Variants in PCDHGA6 observed in about 807,000 individuals in gnomAD.
PCDHGA6 encodes the protein protocadherin gamma subfamily A, 6.
In PCDHGA6, 41 loss-of-function variants were observed where a neutral mutation model predicts 60.6. That is an observed-to-expected ratio of 0.68 (90% CI 0.53 to 0.88). The LOEUF (loss-of-function observed/expected upper bound fraction) is 0.88, where lower values mean the gene tolerates loss of function less well. Among genes scored for constraint, PCDHGA6 ranks in the 40% least tolerant of loss-of-function variants. The pLI, the probability that PCDHGA6 is intolerant of heterozygous loss-of-function variation, is 0.00. For synonymous variants in PCDHGA6, 594 were observed against 524.4 expected (o/e 1.13, Z -1.81); for missense variants, 1,312 against 1,203.0 (o/e 1.09, Z -1.34).
chr5:141,447,208 C>T (rs1226099966), intron 1 of PCDHGA6, among the ~76,000 whole-genome samples: 1 of 152,078 alleles, frequency 6.6e-6, no homozygotes, highest in Non-Finnish European at 1.5e-5. Flanking sequence ...GGCTTGATCT[C>T]GGCTCACTGC....
chr5:141,397,919 C>T (rs1158998805), intron 1 of PCDHGA6: 12 of 723,342 alleles, frequency 1.7e-5, no homozygotes, highest in Non-Finnish European at 2.2e-5. Context: ...TCCAGATCTC[C>T]TCGCGCAGCC....
At chr5:141,478,011 G>T (rs1216659966) in intron 1 of PCDHGA6, 1 of 1,614,088 alleles carries the variant, frequency 6.2e-7, no homozygotes, top group Non-Finnish European at 8.5e-7. Flanking sequence ...AGTACTGCCC[G>T]TCCAGTCCAA....
At chr5:141,434,952 C>T (rs1362599956) in intron 1 of PCDHGA6, among the ~76,000 whole-genome samples, 2 of 151,756 alleles carry the variant, frequency 1.3e-5, no homozygotes, top group East Asian at 3.9e-4. Flanking sequence ...AATTTATTAA[C>T]AATTTATAAA....
chr5:141,441,825 C>A, intron 1 of PCDHGA6: 1 of 357,252 alleles, frequency 2.8e-6, no homozygotes, highest in Non-Finnish European at 5.5e-6. Flanking sequence ...CTCTGGAGCG[C>A]AATGGCTTCG....
intron 1 of PCDHGA6, among the ~76,000 whole-genome samples, chr5:141,459,691 C>T (rs754899227): frequency 3.9e-5 from 6 of 152,158 alleles, no homozygotes; most frequent in East Asian, 1.9e-4. Flanking sequence ...TAAAGCGTTC[C>T]GCTTGCTACA....
rs1403789987 is a variant in PCDHGA6 at position 141,511,845 on chromosome 5, T to C, written c.*672T>C. The C allele has an allele frequency of 6.4e-6, 1 of 156,740 alleles. No individual in the cohort carries two copies. The highest frequency in any genetic ancestry group is 1.4e-5 in the Non-Finnish European group (1 of 70,694). 9.7% of individuals were successfully genotyped at this position (156,740 alleles called of 1,614,324 possible). A position where few individuals can be genotyped will look rare whatever the true frequency, so the allele number is the denominator to read the frequency against. On this transcript the variant is annotated 3_prime_UTR_variant, in exon 4 of 4. Transcript: ENST00000517434. ...AACGCCCTGGGGACCAGTCTTCTGT[T>C]TTGTTTTTCATTGTTTGACGTTTCC...
intron 1 of PCDHGA6, chr5:141,410,466 G>A (rs536543649): frequency 6.2e-7 from 1 of 1,613,908 alleles, no homozygotes; most frequent in African/African-American, 1.3e-5. Context: ...TATAATCTGT[G>A]CATTGCACAT....
Position 141,375,862 on chromosome 5 carries a change from G to T in PCDHGA6, c.1779G>T (p.Ala593=), listed in dbSNP as rs759161440. 4.3e-6 allele frequency: 7 copies of T among 1,613,976 alleles called. No individual in the cohort carries two copies. The South Asian group carries it at 7.7e-5, about 18-fold the overall frequency. Residue 593 remains alanine (A), a synonymous_variant, in exon 1 of 4, where the codon GCG becomes GCT. Coordinates refer to ENST00000517434, the MANE Select transcript of PCDHGA6 (RefSeq NM_018919.3). ...EPGYLVTKVV[A]VDRDSGQNAW... is the part of the protein sequence containing the mutation. Reference sequence around the variant, plus strand: ...GCTACCTGGTGACCAAGGTGGTGGCGGTGGACAGAGACTCGGGCCAGAACG... The same window carrying T: ...GCTACCTGGTGACCAAGGTGGTGGCTGTGGACAGAGACTCGGGCCAGAACG...
At chr5:141,393,961 T>C (rs775398827) in intron 1 of PCDHGA6, 1 of 1,613,960 alleles carries the variant, frequency 6.2e-7, no homozygotes, top group South Asian at 1.1e-5. Flanking sequence ...GGTCAAGTTG[T>C]CTGTTACACA....
chr5:141,419,065 C>T (rs763008753), intron 1 of PCDHGA6: 3 of 1,613,904 alleles, frequency 1.9e-6, no homozygotes, highest in Non-Finnish European at 2.5e-6. Flanking sequence ...ATAATTACTA[C>T]AAGCTAGTAA....
Position 141,431,939 on chromosome 5 carries a change from T to A in PCDHGA6, c.2424+55432T>A, listed in dbSNP as rs1377573207. The A allele has an allele frequency of 2.2e-5, 35 of 1,613,996 alleles. No individual in the cohort carries two copies. The highest frequency in any genetic ancestry group is 2.9e-5 in the Non-Finnish European group (34 of 1,180,000). On this transcript the variant is annotated intron_variant, in intron 1 of 3. Coordinates refer to ENST00000517434, the MANE Select transcript of PCDHGA6 (RefSeq NM_018919.3). This position sits in a 1 kb window ranked among gnomAD's most constrained non-coding sequence, Gnocchi z 4.8. ...CATCCAAGGAAATCTGCCCTTTAAA[T>A]TAGAAAAATCTTACGGAAATTACTA...
chr5:141,374,250 C>T lies in PCDHGA6; in HGVS notation c.167C>T (p.Pro56Leu), dbSNP rs533179881. The T allele has an allele frequency of 2.5e-6, 4 of 1,613,890 alleles. No homozygotes were observed. The African/African-American group carries it at 5.3e-5, about 22-fold the overall frequency. ...GNIVKDLGLEPQELAEHGVRI... is the reference protein window; with the variant it reads ...GNIVKDLGLELQELAEHGVRI... ...ATCGTCAAGGATCTGGGACTGGAGC[C>T]CCAGGAGTTGGCGGAGCACGGAGTC... The change falls in exon 1 of 4, where the codon CCC (proline) becomes CTC (leucine). Residue 56 changes from proline (P) to leucine (L), a missense_variant. Pro to Leu is a moderately conservative substitution (Grantham distance 98). Transcript: ENST00000517434.
chr5:141,456,353 G>A (rs1041991824), intron 1 of PCDHGA6, among the ~76,000 whole-genome samples: 2 of 152,120 alleles, frequency 1.3e-5, no homozygotes, highest in South Asian at 2.1e-4. Context: ...GAAGAATGGC[G>A]TCCATGTGTG....
At chr5:141,388,965 G>A in intron 1 of PCDHGA6, 2 of 1,613,978 alleles carry the variant, frequency 1.2e-6, no homozygotes, top group Non-Finnish European at 1.7e-6. Flanking sequence ...CGCCGAGCTG[G>A]GAACACATAT....
rs200757040 is a variant in PCDHGA6, at chr5:141,431,080, C to T, written c.2424+54573C>T. 3 of 1,614,044 alleles carry T rather than the reference C, an allele frequency of 1.9e-6. No homozygotes were observed. The highest frequency in any genetic ancestry group is 2.5e-6 in the Non-Finnish European group (3 of 1,180,010). ...CCATCAAGTGTCAATTAAATCTAGA[C>T]ATTCTGATGGAGGATAAAGTGAAAA... On this transcript the variant is annotated intron_variant, in intron 1 of 3. Coordinates refer to ENST00000517434, the MANE Select transcript of PCDHGA6 (RefSeq NM_018919.3). This position sits in a 1 kb window ranked among gnomAD's most constrained non-coding sequence, Gnocchi z 4.8.
At chr5:141,390,146 T>C (rs2092063198) in intron 1 of PCDHGA6, 1 of 1,614,026 alleles carries the variant, frequency 6.2e-7, no homozygotes, top group Non-Finnish European at 8.5e-7. Context: ...ATCTATGTGT[T>C]GCACATACAG....
intron 1 of PCDHGA6, among the ~76,000 whole-genome samples, chr5:141,457,620 A>G (rs2098925834): frequency 6.6e-6 from 1 of 152,234 alleles, no homozygotes; most frequent in Admixed American, 6.5e-5. Flanking sequence ...ATGAACTTTA[A>G]TCTTATACTT....
rs1386791249 is a variant in PCDHGA6 at position 141,511,417 on chromosome 5, G to A, written c.*244G>A. 1.2e-6 allele frequency: 1 copy of A among 835,942 alleles called. No homozygotes were observed. Among genetic ancestry groups the A allele is most frequent in the African/African-American group, 1.7e-5 (1 of 58,154 alleles). The allele number at this position is 835,942 out of a possible 1,614,324, so 51.8% of individuals were successfully genotyped here. A position where few individuals can be genotyped will look rare whatever the true frequency, so the allele number is the denominator to read the frequency against. The stretch of plus-strand genomic sequence containing the variant: ...CCATCCAATCAACTGCTGTACCCAT[G>A]GGGGTAGTGGGGTTACTGTAGACAC... On this transcript the variant is annotated 3_prime_UTR_variant, in exon 4 of 4. Transcript: ENST00000517434.
chr5:141,400,030 C>G (rs201599536), intron 1 of PCDHGA6: 3 of 1,613,050 alleles, frequency 1.9e-6, no homozygotes, highest in Non-Finnish European at 2.5e-6. Flanking sequence ...GGACGCGGCC[C>G]GCCAGCGCCT....
Sources: allele counts gnomAD v4.1 joint callset (sites outside exome capture counted in the v4.1 genomes callset), GRCh38; gene constraint gnomAD v4.1.1; non-coding constraint Gnocchi (gnomAD v3.1); transcripts MANE v1.5; gene names NCBI Gene and HGNC (gene_info 2026-07-23, HGNC 2026-07-21).